Variants in POLR2F observed in about 807,000 individuals in gnomAD.
The protein encoded by POLR2F is RNA polymerase II, I and III subunit F.
POLR2F carries 12 observed loss-of-function variants against 22.7 expected under a neutral mutation model. The observed-to-expected ratio is 0.53, with a 90% CI of 0.34 to 0.86. The LOEUF is 0.86. Ranked by LOEUF, POLR2F falls within the 40% of genes least tolerant of loss-of-function variation. POLR2F has a pLI of 0.02. For synonymous variants in POLR2F, 57 were observed against 66.0 expected (o/e 0.86, Z 0.66); for missense variants, 126 against 171.5 (o/e 0.73, Z 1.48).
At chr22:37,985,951 G>T (rs1052315789), upstream of POLR2F, 3 of 819,988 alleles carry the variant, frequency 3.7e-6, no homozygotes, top group African/African-American at 3.5e-5. Context: ...TCTTTCTCTC[G>T]CTTGCTGGCC....
chr22:37,968,701 G>C lies in POLR2F; in HGVS notation c.*986G>C, dbSNP rs566871088. On this transcript the variant is annotated 3_prime_UTR_variant, in exon 5 of 5. Transcript: ENST00000442738. The stretch of plus-strand genomic sequence containing the variant: ...ATGAACAGGGATAGAGGGTAAACTG[G>C]CTCCCTGAATATGCCAGCCTTAACC... 1 of 985,440 alleles carries C rather than the reference G, an allele frequency of 1.0e-6. No individual in the cohort carries two copies. Among genetic ancestry groups the C allele is most frequent in the East Asian group, 1.1e-4 (1 of 8,808 alleles). The allele number at this position is 985,440 out of a possible 1,614,324, so 61.0% of individuals were successfully genotyped here.
intron 1 of POLR2F, among the ~76,000 whole-genome samples, chr22:38,003,731 C>CA (rs2084795928): frequency 6.6e-6 from 1 of 151,852 alleles, no homozygotes. Context: ...TGCGCGCCAC[C>CA]ATGCCCAGCT....
rs1428116030 is a variant in POLR2F, at chr22:37,980,825, TTGCTGCTACC to T, written c.293+13658_293+13667del. Among the ~76,000 whole-genome samples, 1 of 152,236 alleles carries T rather than the reference TTGCTGCTACC, an allele frequency of 6.6e-6. No homozygotes were observed. The highest frequency in any genetic ancestry group is 1.5e-5 in the Non-Finnish European group (1 of 68,054). ...GGGACCTCCCACAGTGGGGCACTGA[TTGCTGCTACC>T]TGTGTCCTGCTAGGCCAGGGGCATA... On this transcript the variant is annotated intron_variant, in intron 4 of 4. Coordinates refer to the POLR2F transcript ENST00000405557. The surrounding 1 kb of genome is among the most constrained non-coding windows in gnomAD (Gnocchi z 4.1).
At chr22:38,004,940 G>A (rs963463854) in intron 1 of POLR2F, among the ~76,000 whole-genome samples, 17 of 150,416 alleles carry the variant, frequency 1.1e-4, no homozygotes, top group African/African-American at 3.2e-4. Flanking sequence ...GTGAAACTCC[G>A]TCTCAAAAAA....
At chr22:38,024,683 C>T (rs997060867) in intron 1 of POLR2F, among the ~76,000 whole-genome samples, 2 of 151,920 alleles carry the variant, frequency 1.3e-5, no homozygotes, top group African/African-American at 4.8e-5. Flanking sequence ...CATGCAGGTG[C>T]GGAGGGTCAA....
chr22:37,995,447 A>G (rs1223970036), intron 1 of POLR2F, among the ~76,000 whole-genome samples: 1 of 152,160 alleles, frequency 6.6e-6, no homozygotes, highest in African/African-American at 2.4e-5. Flanking sequence ...TCATGTCTAC[A>G]GAGATGCCTC....
At chr22:38,039,515 C>T (rs1033361197) in intron 5 of POLR2F, among the ~76,000 whole-genome samples, 5 of 152,178 alleles carry the variant, frequency 3.3e-5, no homozygotes, top group Non-Finnish European at 7.3e-5. Flanking sequence ...AGGGCAGCCA[C>T]CCCCGCCTTG....
intron 3 of POLR2F, 135 bp from the exon 4 acceptor site, chr22:37,966,964 C>A: frequency 1.6e-6 from 1 of 636,130 alleles, no homozygotes; most frequent in East Asian, 2.8e-5. Flanking sequence ...CCCTACACAC[C>A]ACTCCCTACT....
chr22:37,989,111 T>C (rs1274114497), intron 1 of POLR2F, among the ~76,000 whole-genome samples: 1 of 152,114 alleles, frequency 6.6e-6, no homozygotes, highest in African/African-American at 2.4e-5. Flanking sequence ...GTCTCGGATG[T>C]AGTGGAAAGT....
At chr22:38,004,701 T>C (rs2084805079) in intron 1 of POLR2F, among the ~76,000 whole-genome samples, 1 of 152,200 alleles carries the variant, frequency 6.6e-6, no homozygotes, top group Admixed American at 6.5e-5. Flanking sequence ...TCCTAATACT[T>C]TGGGGGGCCA....
intron 1 of POLR2F, among the ~76,000 whole-genome samples, chr22:37,991,901 TCC>T (rs1932735173): frequency 6.6e-6 from 1 of 152,094 alleles, no homozygotes; most frequent in African/African-American, 2.4e-5. Context: ...CCTTCCCACC[TCC>T]TCCGTGGTGC....
upstream of POLR2F, among the ~76,000 whole-genome samples, chr22:37,985,469 A>T (rs993626140): frequency 6.6e-6 from 1 of 151,538 alleles, no homozygotes; most frequent in African/African-American, 2.4e-5. Context: ...TCCTCCGTTG[A>T]CACCTTTTTC....
chr22:38,038,879 T>C (rs2085143337), intron 5 of POLR2F, among the ~76,000 whole-genome samples: 1 of 149,500 alleles, frequency 6.7e-6, no homozygotes, highest in Non-Finnish European at 1.5e-5. Context: ...GCGGCCGCCA[T>C]CTTGCGAGCG....
At chr22:37,987,155 G>T (rs1268837461) in intron 1 of POLR2F, 4 of 456,614 alleles carry the variant, frequency 8.8e-6, no homozygotes, top group Admixed American at 2.3e-5. Context: ...TTCTCTCAGG[G>T]TGTTTATTCT....
chr22:37,972,885 C>CTTCAG (rs1341552129), downstream of POLR2F: 1 of 153,164 alleles, frequency 6.5e-6, no homozygotes, highest in Non-Finnish European at 1.5e-5. Context: ...GCCTCTGTGC[C>CTTCAG]AACTCCTTCC....
At chr22:37,970,969 G>A (rs80134156), downstream of POLR2F, 871 of 283,270 alleles carry the variant, frequency 3.1e-3, 7 homozygotes, top group African/African-American at 0.018. Context: ...CAGCAGTTTT[G>A]GGGAGGTTGC....
chr22:38,014,122 CAAAAAAA>C (rs918824276), intron 1 of POLR2F, among the ~76,000 whole-genome samples: 28 of 60,280 alleles, frequency 4.6e-4, no homozygotes, highest in East Asian at 9.4e-4. Context: ...AACTCTGTCT[CAAAAAAA>C]AAAAAAAAAA....
At chr22:38,024,179 GA>G (rs1362528018) in intron 1 of POLR2F, among the ~76,000 whole-genome samples, 1 of 151,900 alleles carries the variant, frequency 6.6e-6, no homozygotes, top group African/African-American at 2.4e-5. Flanking sequence ...GGGGACCTCA[GA>G]AAAATGGAAT....
At chr22:37,972,432 A>G (rs956308320), downstream of POLR2F, 3 of 357,568 alleles carry the variant, frequency 8.4e-6, no homozygotes, top group Non-Finnish European at 1.7e-5. Context: ...TTACATGTGG[A>G]TTTGGGGGGC....
Sources: allele counts gnomAD v4.1 joint callset (sites outside exome capture counted in the v4.1 genomes callset), GRCh38; gene constraint gnomAD v4.1.1; non-coding constraint Gnocchi (gnomAD v3.1); transcripts MANE v1.5; gene names NCBI Gene and HGNC (gene_info 2026-07-23, HGNC 2026-07-21).